Variants in RAD51B observed in about 807,000 individuals in gnomAD.
The protein encoded by RAD51B is DNA repair protein RAD51 homolog 2.
In RAD51B, 38 loss-of-function variants were observed where a neutral mutation model predicts 42.2. The ratio of observed to expected loss-of-function variants is 0.90; its 90% CI spans 0.70 to 1.18. The LOEUF (loss-of-function observed/expected upper bound fraction) is 1.18. Among genes scored for constraint, RAD51B ranks in the 50% most tolerant of loss-of-function variants. RAD51B has a pLI of 0.00. For missense variants in RAD51B, 373 were observed against 400.7 expected (o/e 0.93, Z 0.59); for synonymous variants, 154 against 145.2 (o/e 1.06, Z -0.43).
intron 8 of RAD51B, among the ~76,000 whole-genome samples, chr14:68,385,803 A>G (rs968113112): frequency 4.6e-5 from 7 of 152,212 alleles, no homozygotes; most frequent in Non-Finnish European, 1.5e-5. Context: ...TATGAAAATG[A>G]TATGCTAATT....
intron 8 of RAD51B, among the ~76,000 whole-genome samples, chr14:68,363,021 G>A (rs1474856332): frequency 6.6e-6 from 1 of 151,528 alleles, no homozygotes; most frequent in African/African-American, 2.4e-5. Context: ...TTGTGTTCCT[G>A]GTAAACAACT....
chr14:67,966,007 G>C (rs1175226478), intron 7 of RAD51B, among the ~76,000 whole-genome samples: 2 of 152,174 alleles, frequency 1.3e-5, no homozygotes, highest in Admixed American at 1.3e-4. Flanking sequence ...GTTTGCAATA[G>C]TATTAAATGA....
intron 7 of RAD51B, among the ~76,000 whole-genome samples, chr14:67,926,558 CTTTTTTTTTTTTTT>C (rs534207569): frequency 2.3e-5 from 2 of 85,112 alleles, no homozygotes; most frequent in Non-Finnish European, 4.4e-5. Context: ...GATATGTTTC[CTTTTTTTTTTTTTT>C]TTTTTTTTTT....
At position 67,857,351 on chromosome 14, in the gene RAD51B, C is replaced by A. The variant is rs2042029600; in HGVS notation, c.316-7652C>A. ...AAACTCAACAAACAAACCCAGAAAT[C>A]TCTTACTGTTATTCACATGATGTTT... On this transcript the variant is annotated intron_variant, in intron 4 of 10. Transcript: ENST00000471583. 2.6e-5 allele frequency among the ~76,000 whole-genome samples: 4 copies of A among 152,134 alleles called. No homozygotes were observed. In the South Asian group the frequency reaches 8.3e-4, roughly 31 times the overall value.
At chr14:67,851,961 C>T (rs2041822663) in intron 4 of RAD51B, among the ~76,000 whole-genome samples, 1 of 152,126 alleles carries the variant, frequency 6.6e-6, no homozygotes, top group Non-Finnish European at 1.5e-5. Flanking sequence ...GCCACCTTTC[C>T]TGAAGGCAGC....
chr14:67,900,265 T>A (rs2043565340), intron 7 of RAD51B, among the ~76,000 whole-genome samples: 1 of 152,180 alleles, frequency 6.6e-6, no homozygotes, highest in African/African-American at 2.4e-5. Flanking sequence ...TACTGAAGAC[T>A]TGTAGGTTTT....
chr14:67,938,121 T>C (rs1410213758), intron 7 of RAD51B, among the ~76,000 whole-genome samples: 1 of 152,228 alleles, frequency 6.6e-6, no homozygotes, highest in African/African-American at 2.4e-5. Flanking sequence ...TTTTTTACAG[T>C]GTGAGAACTA....
rs140273242 is a variant in RAD51B at position 68,208,897 on chromosome 14, T to C, written c.757-82987T>C. Among the ~76,000 whole-genome samples, 25 of 152,310 alleles carry C rather than the reference T, an allele frequency of 1.6e-4. No homozygotes were observed. In the East Asian group the frequency reaches 4.4e-3, roughly 27 times the overall value. ...TGCACTGTGCTCAGCAGCAGTTGAG[T>C]AGCCAGCACCCACAGGCAACCTCTA... On this transcript the variant is annotated intron_variant, in intron 7 of 10. Transcript: ENST00000471583.
intron 7 of RAD51B, among the ~76,000 whole-genome samples, chr14:68,218,664 A>G (rs1262793497): frequency 6.6e-6 from 1 of 152,268 alleles, no homozygotes; most frequent in South Asian, 2.1e-4. Flanking sequence ...TGAAAAACAC[A>G]TAGTTAAAAA....
chr14:68,452,785 A>AG (rs1197260331), intron 9 of RAD51B, among the ~76,000 whole-genome samples: 2 of 152,202 alleles, frequency 1.3e-5, no homozygotes, highest in Middle Eastern at 3.2e-3. Flanking sequence ...CCTCACAATA[A>AG]GCCTATGAGA....
chr14:67,835,697 A>G (rs1028892064), intron 4 of RAD51B, among the ~76,000 whole-genome samples: 1 of 151,570 alleles, frequency 6.6e-6, no homozygotes, highest in Non-Finnish European at 1.5e-5. Flanking sequence ...CAAAAAAAAA[A>G]TAAAAAAAAC....
At chr14:68,095,477 G>A (rs1293690102) in intron 7 of RAD51B, among the ~76,000 whole-genome samples, 1 of 151,972 alleles carries the variant, frequency 6.6e-6, no homozygotes, top group Non-Finnish European at 1.5e-5. Context: ...AAAAAAAGAA[G>A]TCTTTCTTTG....
At chr14:68,411,576 T>A (rs1163169646) in intron 9 of RAD51B, 49 bp downstream of exon 9, 1 of 1,544,754 alleles carries the variant, frequency 6.5e-7, no homozygotes, top group Non-Finnish European at 8.9e-7. Flanking sequence ...GGGAATGAGA[T>A]ATACCAAGCA....
At chr14:67,996,406 C>A (rs73284212) in intron 7 of RAD51B, among the ~76,000 whole-genome samples, 6,815 of 146,066 alleles carry the variant, frequency 0.047, 554 homozygotes, top group African/African-American at 0.16. Context: ...CAAAAAATAA[C>A]AACAATAATA....
At chr14:67,837,971 T>C (rs941170312) in intron 4 of RAD51B, among the ~76,000 whole-genome samples, 1 of 152,232 alleles carries the variant, frequency 6.6e-6, no homozygotes, top group Non-Finnish European at 1.5e-5. Flanking sequence ...CAGCCTCTAA[T>C]AACCACTATT....
At chr14:68,362,368 A>G (rs916988359) in intron 8 of RAD51B, among the ~76,000 whole-genome samples, 3 of 152,246 alleles carry the variant, frequency 2.0e-5, no homozygotes, top group Non-Finnish European at 4.4e-5. Flanking sequence ...GATTTTTCAT[A>G]TATTAATTCA....
intron 10 of RAD51B, among the ~76,000 whole-genome samples, chr14:68,533,063 G>C (rs1887409612): frequency 6.6e-6 from 1 of 151,998 alleles, no homozygotes; most frequent in Non-Finnish European, 1.5e-5. Context: ...CCAGTGCAAT[G>C]AGAAAAGAAA....
chr14:68,567,942 C>T (rs1269959553), intron 10 of RAD51B, among the ~76,000 whole-genome samples: 1 of 152,166 alleles, frequency 6.6e-6, no homozygotes, highest in African/African-American at 2.4e-5. Flanking sequence ...CCAGGGGTCC[C>T]GTTCACATGA....
chr14:68,236,307 C>T (rs1054690011), intron 7 of RAD51B: 2 of 152,202 alleles, frequency 1.3e-5, no homozygotes, highest in Non-Finnish European at 2.9e-5. Context: ...TGCATTTCCG[C>T]TACTGATCAG....
Sources: allele counts gnomAD v4.1 joint callset (sites outside exome capture counted in the v4.1 genomes callset), GRCh38; gene constraint gnomAD v4.1.1; transcripts MANE v1.5; gene names NCBI Gene and HGNC (gene_info 2026-07-23, HGNC 2026-07-21).